Variants in TNXB observed in about 807,000 individuals in gnomAD.
The protein encoded by TNXB is tenascin-X.
In TNXB, 183 loss-of-function variants were observed where a neutral mutation model predicts 340.5. The ratio of observed to expected loss-of-function variants is 0.54; its 90% CI spans 0.48 to 0.61. The LOEUF (loss-of-function observed/expected upper bound fraction) is 0.61. TNXB is among the 20% of genes least tolerant of loss of function. The pLI is 0.00. For missense variants in TNXB, 4,613 were observed against 5,446.4 expected (o/e 0.85, Z 4.82); for synonymous variants, 2,121 against 2,314.5 (o/e 0.92, Z 2.40).
chr6:32,063,529 T>C (rs976303016), intron 19 of TNXB, among the ~76,000 whole-genome samples: 3 of 152,134 alleles, frequency 2.0e-5, no homozygotes, highest in African/African-American at 7.2e-5. Context: ...CCAACTTAGA[T>C]TTTATAGCTG....
chr6:32,068,456 T>G lies in TNXB; in HGVS notation c.6154A>C (p.Lys2052Gln). ...ISGLEPDHKYKMNLYGFHGGQ... is the reference protein window; with the variant it reads ...ISGLEPDHKYQMNLYGFHGGQ... Reference sequence around the variant, plus strand: ...CCGTGGAAGCCGTACAGGTTCATCTTGTATTTATGGTCTGGCTCCAGGCCC... The same window carrying G: ...CCGTGGAAGCCGTACAGGTTCATCTGGTATTTATGGTCTGGCTCCAGGCCC... The change falls in exon 17 of 44, where the codon AAG (lysine) becomes CAG (glutamine). Residue 2052 changes from lysine (K) to glutamine (Q), a missense_variant. Transcript: ENST00000644971. The surrounding 1 kb of genome is among the most constrained non-coding windows in gnomAD (Gnocchi z 5.3). 6.2e-7 allele frequency: 1 copy of G among 1,613,888 alleles called. No homozygotes were observed. The highest frequency in any genetic ancestry group is 8.5e-7 in the Non-Finnish European group (1 of 1,179,898).
rs1215797927 is a variant in TNXB, at chr6:32,058,399, T to C, written c.7493-9A>G. 1 of 1,588,734 alleles carries C rather than the reference T, an allele frequency of 6.3e-7. No individual in the cohort carries two copies. ...CACATCCTCTTGTGGGGCTGAAAGG[T>C]AATATAGGGGGATACAGAGTTTAAG... On this transcript the variant is annotated splice_polypyrimidine_tract_variant and intron_variant, in intron 21 of 43. Coordinates refer to ENST00000644971, the MANE Select transcript of TNXB (RefSeq NM_001365276.2). The surrounding 1 kb of genome is among the most constrained non-coding windows in gnomAD (Gnocchi z 5.1).
chr6:32,065,777 C>T (rs1778303448), intron 18 of TNXB, among the ~76,000 whole-genome samples: 1 of 152,042 alleles, frequency 6.6e-6, no homozygotes, highest in African/African-American at 2.4e-5. Context: ...CACGTGCCAC[C>T]ACGCTCCGCT....
In TNXB at chr6:32,080,586, A is replaced by ACT. The variant is rs1410892890; in HGVS notation, c.4042+781_4042+782insAG. Among the ~76,000 whole-genome samples, 1 of 152,218 alleles carries ACT rather than the reference A, an allele frequency of 6.6e-6. No individual in the cohort carries two copies. The highest frequency in any genetic ancestry group is 1.9e-4 in the East Asian group (1 of 5,198). On this transcript the variant is annotated intron_variant, in intron 10 of 43. Coordinates refer to ENST00000644971, the MANE Select transcript of TNXB (RefSeq NM_001365276.2). This position sits in a 1 kb window ranked among gnomAD's most constrained non-coding sequence, Gnocchi z 4.3. ...AGAGGGACTGAAATCCAGCCACCTG[A>ACT]CAGAAGGGAAAGCTGAGGCACAGAG...
Position 32,081,654 on chromosome 6 carries a change from C to G in TNXB, c.3756G>C (p.Glu1252Asp), listed in dbSNP as rs779724516. 1.0e-5 allele frequency: 16 copies of G among 1,585,862 alleles called. No individual in the cohort carries two copies. Among genetic ancestry groups the G allele is most frequent in the Non-Finnish European group, 1.3e-5 (15 of 1,166,102 alleles). Reference sequence around the variant, plus strand: ...GCTCCAGGAACTCAGGGCGGGGGGGCTCCTCTTTCCTCTCTGGAGCTGTAA... The same window carrying G: ...GCTCCAGGAACTCAGGGCGGGGGGGGTCCTCTTTCCTCTCTGGAGCTGTAA... ...DGTTAPERKE[E>D]PPRPEFLEQP... The change falls in exon 10 of 44, where the codon GAG becomes GAC. Residue 1252 changes from glutamate (E) to aspartate (D), a missense_variant. Transcript: ENST00000644971. The surrounding 1 kb of genome is among the most constrained non-coding windows in gnomAD (Gnocchi z 5.1).
At chr6:32,105,616 G>C (rs56051554) in intron 1 of TNXB, among the ~76,000 whole-genome samples, 1 of 152,196 alleles carries the variant, frequency 6.6e-6, no homozygotes, top group Non-Finnish European at 1.5e-5. Flanking sequence ...CCAAGGGCAG[G>C]ACCAAGGTCA....
Position 32,096,263 on chromosome 6 carries a change from C to A in TNXB, c.1590G>T (p.Gly530=). The change falls in exon 3 of 44, where the codon GGG becomes GGT. Residue 530 remains glycine, a synonymous_variant. Transcript: ENST00000644971. ...GEDCGSRRCP[G]DCRGHGLCED... ...CGCAAAGGCCGTGCCCACGGCAGTC[C>A]CCGGGACAGCGACGGCTCCCACAGT... 6.4e-7 allele frequency: 1 copy of A among 1,563,734 alleles called. No individual in the cohort carries two copies. The highest frequency in any genetic ancestry group is 8.6e-7 in the Non-Finnish European group (1 of 1,158,726).
rs1405787898 is a variant in TNXB, at chr6:32,072,824, G to A, written c.4682-526C>T. ...AAATTAGCTGGGTGTGGTGGCACGT[G>A]CCCGTAATCCCAGTTACTCGGGAGG... is the stretch of plus-strand genomic sequence containing the variant. On this transcript the variant is annotated intron_variant, in intron 12 of 43. Transcript: ENST00000644971. This position sits in a 1 kb window ranked among gnomAD's most constrained non-coding sequence, Gnocchi z 4.4. 1.3e-5 allele frequency among the ~76,000 whole-genome samples: 2 copies of A among 152,196 alleles called. No homozygotes were observed. The highest frequency in any genetic ancestry group is 4.8e-5 in the African/African-American group (2 of 41,442).
At chr6:32,086,572 G>A (rs204901) in intron 6 of TNXB, among the ~76,000 whole-genome samples, 26 of 152,284 alleles carry the variant, frequency 1.7e-4, no homozygotes, top group African/African-American at 6.3e-4. Flanking sequence ...TGGACATCCA[G>A]GTCAGGTGGC....
chr6:32,092,591 G>T, intron 4 of TNXB, among the ~76,000 whole-genome samples: 1 of 151,838 alleles, frequency 6.6e-6, no homozygotes, highest in East Asian at 1.9e-4. Context: ...TTGGGAGGCT[G>T]AGGCAGGAGA....
At chr6:32,107,007 A>T (rs918508323) in intron 1 of TNXB, among the ~76,000 whole-genome samples, 1 of 152,256 alleles carries the variant, frequency 6.6e-6, no homozygotes, top group African/African-American at 2.4e-5. Context: ...ACACACACCC[A>T]ATCTCCCCTT....
Position 32,082,394 on chromosome 6 carries a change from A to G in TNXB, c.3446-68T>C, listed in dbSNP as rs1327452932. 1 of 1,458,352 alleles carries G rather than the reference A, an allele frequency of 6.9e-7. No homozygotes were observed. The highest frequency in any genetic ancestry group is 1.4e-5 in the African/African-American group (1 of 71,606). The allele number at this position is 1,458,352 out of a possible 1,614,324, so 90.3% of individuals were successfully genotyped here. ...GGAGAATGGGGAAGCCAAATCCCAC[A>G]TAGGAATGCTGTGTGAGGCTGTGCA... On this transcript the variant is annotated intron_variant, in intron 8 of 43. Transcript: ENST00000644971. This position sits in a 1 kb window ranked among gnomAD's most constrained non-coding sequence, Gnocchi z 5.0.
chr6:32,099,116 A>G (rs1780578247), intron 1 of TNXB, among the ~76,000 whole-genome samples: 1 of 152,200 alleles, frequency 6.6e-6, no homozygotes, highest in Non-Finnish European at 1.5e-5. Context: ...TATCTGACAC[A>G]TCAATGTTGA....
chr6:32,049,187 A>T lies in TNXB; in HGVS notation c.9757+83T>A. On this transcript the variant is annotated intron_variant, in intron 28 of 43. Transcript: ENST00000644971. This position sits in a 1 kb window ranked among gnomAD's most constrained non-coding sequence, Gnocchi z 4.5. ...AAGACAGAAACCTAGAGGCCCAGTC[A>T]AAAGAGGTGCCAAGATCCAAAGGAG... is the stretch of plus-strand genomic sequence containing the variant. 6.7e-7 allele frequency: 1 copy of T among 1,482,334 alleles called. No individual in the cohort carries two copies. Among genetic ancestry groups the T allele is most frequent in the Non-Finnish European group, 9.0e-7 (1 of 1,115,054 alleles). The allele number at this position is 1,482,334 out of a possible 1,614,324, so 91.8% of individuals were successfully genotyped here.
In TNXB at chr6:32,087,733, G is replaced by T. The variant is rs1238753343; in HGVS notation, c.2779+1052C>A. On this transcript the variant is annotated intron_variant, in intron 6 of 43. Coordinates refer to ENST00000644971, the MANE Select transcript of TNXB (RefSeq NM_001365276.2). The surrounding 1 kb of genome is among the most constrained non-coding windows in gnomAD (Gnocchi z 9.0). ...CGTGTAAGTCTGGTTGGCCCGCAGT[G>T]GGTAGCCGTGAGCCCGCAGGTGGCG... 1 of 494,580 alleles carries T rather than the reference G, an allele frequency of 2.0e-6. No homozygotes were observed. Among genetic ancestry groups the T allele is most frequent in the East Asian group, 5.8e-5 (1 of 17,130 alleles). The allele number at this position is 494,580 out of a possible 1,614,324, so 30.6% of individuals were successfully genotyped here. A position where few individuals can be genotyped will look rare whatever the true frequency, so the allele number is the denominator to read the frequency against.
intron 23 of TNXB, 127 bp from the exon 24 acceptor site, chr6:32,056,301 G>A: frequency 7.8e-7 from 1 of 1,280,000 alleles, no homozygotes; most frequent in African/African-American, 1.5e-5. Context: ...CCCATTCTTG[G>A]GGCTGGGTGG....
Position 32,061,796 on chromosome 6 carries a change from A to T in TNXB, c.7169-76T>A. The T allele has an allele frequency of 1.3e-6, 2 of 1,550,308 alleles. No individual in the cohort carries two copies. The highest frequency in any genetic ancestry group is 1.8e-6 in the Non-Finnish European group (2 of 1,141,682). ...TACGTCGTGGGGAAAAGGAGGGAGA[A>T]GGCTATGACTAGGGGACATATGAAA... On this transcript the variant is annotated intron_variant, in intron 20 of 43. Transcript: ENST00000644971. The surrounding 1 kb of genome is among the most constrained non-coding windows in gnomAD (Gnocchi z 4.4).
chr6:32,059,621 C>T (rs1238511701), intron 21 of TNXB, among the ~76,000 whole-genome samples: 1 of 151,778 alleles, frequency 6.6e-6, no homozygotes, highest in Admixed American at 6.5e-5. Context: ...GGACAGCTTA[C>T]CCCCGGAATG....
At position 32,058,829 on chromosome 6, in the gene TNXB, G is replaced by A. The variant is rs1362829895; in HGVS notation, c.7493-439C>T. On this transcript the variant is annotated intron_variant, in intron 21 of 43. Coordinates refer to ENST00000644971, the MANE Select transcript of TNXB (RefSeq NM_001365276.2). The surrounding 1 kb of genome is among the most constrained non-coding windows in gnomAD (Gnocchi z 5.1). ...TTAATTTTGTTATAGTGCTTTCACC[G>A]CAACGCATCAAATAACCATTGAAAC... 1.3e-5 allele frequency among the ~76,000 whole-genome samples: 2 copies of A among 151,874 alleles called. No individual in the cohort carries two copies. Among genetic ancestry groups the A allele is most frequent in the Admixed American group, 6.5e-5 (1 of 15,282 alleles).
Sources: gnomAD v4.1 joint callset for allele counts (sites outside exome capture counted in the v4.1 genomes callset) on GRCh38, gnomAD v4.1.1 for gene constraint, Gnocchi (gnomAD v3.1) non-coding constraint, MANE v1.5 for transcripts, NCBI Gene and HGNC (gene_info 2026-07-23, HGNC 2026-07-21) for gene names.